Variants in STAU2 observed in about 807,000 individuals in gnomAD.
STAU2 encodes staufen double-stranded RNA binding protein 2, also known as double-stranded RNA-binding protein Staufen homolog 2.
A neutral mutation model predicts 65.9 loss-of-function variants in STAU2; 20 were observed. The ratio of observed to expected loss-of-function variants is 0.30; its 90% CI spans 0.21 to 0.44. The LOEUF (loss-of-function observed/expected upper bound fraction) is 0.44, where lower values mean the gene tolerates loss of function less well. STAU2 is among the 20% of genes least tolerant of loss of function. STAU2 has a pLI of 1.00. For synonymous variants in STAU2, 232 were observed against 233.9 expected (o/e 0.99, Z 0.07); for missense variants, 558 against 683.9 (o/e 0.82, Z 2.05).
At chr8:73,544,323 CAA>C (rs1439215981) in intron 13 of STAU2, among the ~76,000 whole-genome samples, 1 of 152,190 alleles carries the variant, frequency 6.6e-6, no homozygotes, top group East Asian at 1.9e-4. Flanking sequence ...TTTCTATTAT[CAA>C]GTCTGTCTCT....
At chr8:73,516,130 G>C (rs1179204700) in intron 13 of STAU2, among the ~76,000 whole-genome samples, 1 of 151,762 alleles carries the variant, frequency 6.6e-6, no homozygotes, top group African/African-American at 2.4e-5. Flanking sequence ...TGTAGAGATG[G>C]GGTTTTGCCA....
chr8:73,654,779 C>T (rs1042701787), intron 6 of STAU2, among the ~76,000 whole-genome samples: 12 of 149,138 alleles, frequency 8.0e-5, no homozygotes, highest in East Asian at 3.9e-4. Flanking sequence ...CTCCGCCTCC[C>T]GGGTTCACGC....
At chr8:73,437,687 GT>G (rs1817813175) in intron 13 of STAU2, among the ~76,000 whole-genome samples, 1 of 152,174 alleles carries the variant, frequency 6.6e-6, no homozygotes, top group Non-Finnish European at 1.5e-5. Context: ...TGTAAGGTTG[GT>G]GATGGGCCCA....
intron 9 of STAU2, among the ~76,000 whole-genome samples, chr8:73,609,061 G>T (rs575863344): frequency 6.6e-6 from 1 of 152,280 alleles, no homozygotes; most frequent in East Asian, 1.9e-4. Context: ...AAAGAATGCT[G>T]CAGGAGAAAG....
At chr8:73,736,240 G>A (rs747081554) in intron 3 of STAU2, among the ~76,000 whole-genome samples, 26 of 152,178 alleles carry the variant, frequency 1.7e-4, no homozygotes, top group African/African-American at 5.5e-4. Context: ...ACATAATTAC[G>A]TGGTTATTGT....
At chr8:73,644,474 G>A (rs1586181205) in intron 6 of STAU2, among the ~76,000 whole-genome samples, 1 of 151,454 alleles carries the variant, frequency 6.6e-6, no homozygotes, top group Non-Finnish European at 1.5e-5. Flanking sequence ...ATGAAGAATG[G>A]TCTGAGAAAA....
chr8:73,634,954 C>A (rs917806755), intron 6 of STAU2, among the ~76,000 whole-genome samples: 2 of 152,104 alleles, frequency 1.3e-5, no homozygotes, highest in African/African-American at 4.8e-5. Context: ...TTTTTATTTT[C>A]TATCTCCCCC....
At chr8:73,448,603 G>A (rs1818611037) in intron 13 of STAU2, among the ~76,000 whole-genome samples, 1 of 152,188 alleles carries the variant, frequency 6.6e-6, no homozygotes. Flanking sequence ...AGTCTTAAAA[G>A]GACTGAGCGA....
chr8:73,660,029 A>T (rs1816708908), intron 6 of STAU2, among the ~76,000 whole-genome samples: 1 of 152,026 alleles, frequency 6.6e-6, no homozygotes, highest in African/African-American at 2.4e-5. Flanking sequence ...CAATAGCATT[A>T]AAAAAAAGTG....
chr8:73,657,154 A>C (rs1247314769), intron 6 of STAU2, among the ~76,000 whole-genome samples: 2 of 152,234 alleles, frequency 1.3e-5, no homozygotes, highest in African/African-American at 4.8e-5. Context: ...CTCTCAGTAC[A>C]ACACAGATCA....
At chr8:73,599,731 T>C (rs1386721040) in intron 10 of STAU2, among the ~76,000 whole-genome samples, 1 of 152,202 alleles carries the variant, frequency 6.6e-6, no homozygotes, top group Non-Finnish European at 1.5e-5. Flanking sequence ...CTTACATCCT[T>C]ATTTACAGTT....
At position 73,509,539 on chromosome 8, in the gene STAU2, G is replaced by A. The variant is rs1039036340; in HGVS notation, c.1530+42473C>T. On this transcript the variant is annotated intron_variant, in intron 13 of 14. Coordinates refer to ENST00000524300, the MANE Select transcript of STAU2 (RefSeq NM_001164380.2). ...TGGGGAAGAGAATAACTGCGAGGGG[G>A]TAGAGGGAAATATTTTGGGTTATGC... is the stretch of plus-strand genomic sequence containing the variant. Among the ~76,000 whole-genome samples the A allele has an allele frequency of 3.9e-5, 6 of 152,246 alleles. No individual in the cohort carries two copies. In the East Asian group the frequency reaches 9.6e-4, roughly 24 times the overall value.
chr8:73,632,519 A>C (rs900121442), intron 6 of STAU2, among the ~76,000 whole-genome samples: 2 of 152,224 alleles, frequency 1.3e-5, no homozygotes, highest in Admixed American at 1.3e-4. Context: ...GAGAACAAAA[A>C]AGGGTTTGCA....
At chr8:73,704,966 G>A (rs1820403120) in intron 4 of STAU2, among the ~76,000 whole-genome samples, 1 of 152,118 alleles carries the variant, frequency 6.6e-6, no homozygotes, top group South Asian at 2.1e-4. Context: ...ATCTTAAGAT[G>A]TTGTGGGTTT....
intron 13 of STAU2, among the ~76,000 whole-genome samples, chr8:73,463,792 G>A (rs191002439): frequency 1.3e-5 from 2 of 152,304 alleles, no homozygotes; most frequent in Admixed American, 1.3e-4. Flanking sequence ...CAACCACGAG[G>A]ATATTCATGA....
At chr8:73,657,504 G>A (rs2130290612) in intron 6 of STAU2, among the ~76,000 whole-genome samples, 1 of 152,196 alleles carries the variant, frequency 6.6e-6, no homozygotes, top group African/African-American at 2.4e-5. Flanking sequence ...GGTCGAAGGA[G>A]AATTCATAAC....
intron 9 of STAU2, among the ~76,000 whole-genome samples, chr8:73,604,322 G>A (rs915668915): frequency 3.3e-5 from 5 of 152,036 alleles, no homozygotes; most frequent in East Asian, 1.9e-4. Context: ...TCCACCTGCC[G>A]GGTTCAAGCG....
intron 10 of STAU2, among the ~76,000 whole-genome samples, chr8:73,601,385 G>A (rs1275378740): frequency 6.6e-6 from 1 of 152,060 alleles, no homozygotes; most frequent in African/African-American, 2.4e-5. Context: ...AAAGCTTTAA[G>A]AAATCTGCTC....
At chr8:73,575,956 A>C (rs1415237570) in intron 12 of STAU2, among the ~76,000 whole-genome samples, 3 of 152,162 alleles carry the variant, frequency 2.0e-5, no homozygotes, top group Non-Finnish European at 4.4e-5. Flanking sequence ...ATGAAAAATA[A>C]AATTAATGAA....
Sources: allele counts gnomAD v4.1 joint callset (sites outside exome capture counted in the v4.1 genomes callset), GRCh38; gene constraint gnomAD v4.1.1; transcripts MANE v1.5; gene names NCBI Gene and HGNC (gene_info 2026-07-23, HGNC 2026-07-21).